The following ZNF280B variants were observed in gnomAD, a reference collection of about 807,000 sequenced individuals.
The protein encoded by ZNF280B is zinc finger protein 280B.
A neutral mutation model predicts 38.0 loss-of-function variants in ZNF280B; 16 were observed. That is an observed-to-expected ratio of 0.42 (90% CI 0.28 to 0.64). The LOEUF (loss-of-function observed/expected upper bound fraction) is 0.64, where lower values mean the gene tolerates loss of function less well. ZNF280B is among the 30% of genes least tolerant of loss of function. The pLI is 0.21. For synonymous variants in ZNF280B, 253 were observed against 230.6 expected, an observed-to-expected ratio of 1.10 and a Z score of -0.88; for missense variants, 581 against 639.6, an observed-to-expected ratio of 0.91 and a Z score of 0.99.
At chr22:22,504,249 T>C (rs1004487320) in intron 2 of ZNF280B, among the ~76,000 whole-genome samples, 2 of 151,828 alleles carry the variant, frequency 1.3e-5, no homozygotes, top group Non-Finnish European at 2.9e-5. Flanking sequence ...CTGAACAACA[T>C]GGTGAAACCC....
chr22:22,508,111 C>A (rs1023439073), intron 1 of ZNF280B, among the ~76,000 whole-genome samples: 37 of 152,002 alleles, frequency 2.4e-4, no homozygotes, highest in Admixed American at 6.5e-4. Flanking sequence ...CTGGCTCTCA[C>A]GGGAGGGACT....
rs1317713072 is a variant in ZNF280B at position 22,500,618 on chromosome 22, G to A, written c.-186-6438C>T. On this transcript the variant is annotated intron_variant, in intron 2 of 3. Transcript: ENST00000626650. Reference sequence around the variant, plus strand: ...CACCTGTAATCCCAGGACTTTGGGAGGCTGAGGTGGGCAGATCATCTGAGG... The same window carrying A: ...CACCTGTAATCCCAGGACTTTGGGAAGCTGAGGTGGGCAGATCATCTGAGG... 2.6e-5 allele frequency among the ~76,000 whole-genome samples: 4 copies of A among 152,014 alleles called. No individual in the cohort carries two copies. The East Asian group carries it at 7.8e-4, about 30-fold the overall frequency.
chr22:22,505,239 A>C (rs2061910765), intron 2 of ZNF280B, among the ~76,000 whole-genome samples: 2 of 151,972 alleles, frequency 1.3e-5, no homozygotes, highest in Non-Finnish European at 1.5e-5. Flanking sequence ...GTTTGTGGCA[A>C]AGGAAAGCCA....
At chr22:22,497,138 C>A (rs1194079146) in intron 2 of ZNF280B, among the ~76,000 whole-genome samples, 1 of 134,154 alleles carries the variant, frequency 7.5e-6, no homozygotes, top group Admixed American at 8.6e-5. Context: ...TCCTAAGCAA[C>A]AGAGAAAATC....
Position 22,498,793 on chromosome 22 carries a change from C to CTTTTTTTTT in ZNF280B, c.-186-4622_-186-4614dup, listed in dbSNP as rs60940298. 8.1e-3 allele frequency among the ~76,000 whole-genome samples: 678 copies of CTTTTTTTTT among 83,642 alleles called. 25 individuals carry two copies. Among genetic ancestry groups the CTTTTTTTTT allele is most frequent in the Middle Eastern group, 0.042 (3 of 72 alleles). The allele number at this position is 83,642 out of a possible 152,430, so 54.9% of individuals were successfully genotyped here. The stretch of plus-strand genomic sequence containing the variant: ...AAAAAGAAAACTACAGGCCAATATC[C>CTTTTTTTTT]TTTTTTTTTTTTTTTTTTTTTGGAG... On this transcript the variant is annotated intron_variant, in intron 2 of 3. Transcript: ENST00000626650.
chr22:22,488,866 A>C lies in ZNF280B; in HGVS notation c.533T>G (p.Phe178Cys). 6.2e-7 allele frequency: 1 copy of C among 1,613,748 alleles called. No homozygotes were observed. Among genetic ancestry groups the C allele is most frequent in the Non-Finnish European group, 8.5e-7 (1 of 1,179,968 alleles). Residue 178 changes from phenylalanine (F) to cysteine (C), a missense_variant, in exon 4 of 4, where the codon TTC becomes TGC. Phe to Cys is a radical substitution (Grantham distance 205). Coordinates refer to ENST00000626650, the MANE Select transcript of ZNF280B (RefSeq NM_080764.4). ...SPRVSKQLST[F>C]EVNSINPKRA... ...TTTGGGATTTATGCTGTTTACTTCG[A>C]AAGTGGAAAGTTGCTTTGATACACG...
upstream of ZNF280B, chr22:22,509,151 G>A (rs1822910596): frequency 6.6e-6 from 1 of 152,270 alleles, no homozygotes; most frequent in Non-Finnish European, 1.5e-5. Flanking sequence ...GTCCATCAGG[G>A]GATGGTTTGC....
rs1388448373 is a variant in ZNF280B, at chr22:22,489,270, C to A, written c.129G>T (p.Glu43Asp). The A allele has an allele frequency of 2.5e-6, 4 of 1,613,740 alleles. No homozygotes were observed. The African/African-American group carries it at 5.3e-5, about 22-fold the overall frequency. Residue 43 changes from glutamate to aspartate, a missense_variant, in exon 4 of 4, where the codon GAG (glutamate) becomes GAT (aspartate). Physicochemically the swap from Glu to Asp is conservative, Grantham distance 45 (BLOSUM62 2). Transcript: ENST00000626650. The part of the protein sequence containing the change: ...VGVEHVNEDA[E>D]LIFVGVTSNS... ...TTGAAGTCACCCCAACAAAGATTAG[C>A]TCAGCATCTTCATTTACATGTTCCA...
intron 3 of ZNF280B, among the ~76,000 whole-genome samples, chr22:22,491,480 A>G (rs2061596021): frequency 8.1e-6 from 1 of 123,740 alleles, no homozygotes; most frequent in African/African-American, 3.1e-5. Flanking sequence ...TTTTTTTGAG[A>G]CGGAGTCTAG....
chr22:22,497,480 T>C (rs751732452), intron 2 of ZNF280B, among the ~76,000 whole-genome samples: 12 of 151,456 alleles, frequency 7.9e-5, no homozygotes, highest in Non-Finnish European at 1.6e-4. Context: ...ACAAAGGAGA[T>C]TTGACAGGGT....
At chr22:22,490,904 C>T (rs554323996) in intron 3 of ZNF280B, among the ~76,000 whole-genome samples, 7 of 151,796 alleles carry the variant, frequency 4.6e-5, no homozygotes, top group South Asian at 2.1e-4. Context: ...GTATCCCTCT[C>T]GGTGAGGTTC....
intron 2 of ZNF280B, among the ~76,000 whole-genome samples, chr22:22,501,019 CAAA>C (rs56907724): frequency 3.3e-5 from 2 of 60,262 alleles, no homozygotes; most frequent in African/African-American, 1.1e-4. Context: ...GACTCCGTCT[CAAA>C]AAAAAAAAAA....
intron 2 of ZNF280B, among the ~76,000 whole-genome samples, chr22:22,503,726 T>C (rs558597092): frequency 6.6e-6 from 1 of 152,106 alleles, no homozygotes; most frequent in South Asian, 2.1e-4. Flanking sequence ...TAGTTTAAAC[T>C]TCTATCTCTG....
intron 2 of ZNF280B, 80 bp downstream of exon 2, chr22:22,507,730 C>T (rs2061968575): frequency 6.6e-6 from 1 of 151,800 alleles, no homozygotes; most frequent in South Asian, 2.1e-4. Flanking sequence ...TATGTTTCAG[C>T]AAAGGAAAGG....
At chr22:22,492,982 T>C (rs2061626390) in intron 3 of ZNF280B, among the ~76,000 whole-genome samples, 1 of 151,972 alleles carries the variant, frequency 6.6e-6, no homozygotes, top group Admixed American at 6.6e-5. Flanking sequence ...CCATTAGATT[T>C]ATCTGAAGAT....
intron 3 of ZNF280B, among the ~76,000 whole-genome samples, chr22:22,491,364 C>A (rs1191556255): frequency 6.6e-6 from 1 of 151,154 alleles, no homozygotes; most frequent in Non-Finnish European, 1.5e-5. Flanking sequence ...TATATGGAGT[C>A]CAATTACACA....
intron 2 of ZNF280B, among the ~76,000 whole-genome samples, chr22:22,504,421 C>CA (rs1555943216): frequency 4.2e-5 from 6 of 141,748 alleles, no homozygotes; most frequent in African/African-American, 1.6e-4. Context: ...AGCAAGACTC[C>CA]GTCTGAAAAA....
Position 22,488,826 on chromosome 22 carries a change from C to T in ZNF280B, c.573G>A (p.Arg191=), listed in dbSNP as rs184628048. ...AAGAATTTCCTTCTATAATTCCATC[C>T]CTGAGTTTAGCCCTTTTGGGATTTA... ...NSINPKRAKL[R]DGIIEGNSSA... Residue 191 remains arginine (R), a synonymous_variant, in exon 4 of 4, where the codon AGG becomes AGA. Coordinates refer to ENST00000626650, the MANE Select transcript of ZNF280B (RefSeq NM_080764.4). 10 of 1,613,734 alleles carry T rather than the reference C, an allele frequency of 6.2e-6. No individual in the cohort carries two copies. The highest frequency in any genetic ancestry group is 1.7e-5 in the Admixed American group (1 of 59,976).
intron 2 of ZNF280B, among the ~76,000 whole-genome samples, chr22:22,501,019 C>CAAAAAAAAAAAAAAAA (rs56907724): frequency 2.7e-4 from 16 of 60,252 alleles, no homozygotes; most frequent in South Asian, 7.7e-4. Context: ...GACTCCGTCT[C>CAAAAAAAAAAAAAAAA]AAAAAAAAAA....
Sources: gnomAD v4.1 joint callset for allele counts (sites outside exome capture counted in the v4.1 genomes callset) on GRCh38, gnomAD v4.1.1 for gene constraint, MANE v1.5 for transcripts, NCBI Gene and HGNC (gene_info 2026-07-23, HGNC 2026-07-21) for gene names.